Variants in CCDC7 observed in about 807,000 individuals in gnomAD.
CCDC7 encodes coiled-coil domain containing 7, also known as coiled-coil domain-containing protein 7.
CCDC7 carries 183 observed loss-of-function variants against 196.9 expected under a neutral mutation model. That is an observed-to-expected ratio of 0.93 (90% CI 0.82 to 1.05). The LOEUF is 1.05. CCDC7 is among the 50% of genes least tolerant of loss of function. The pLI is 0.00. For missense variants in CCDC7, 1,540 were observed against 1,482.2 expected (o/e 1.04, Z -0.64); for synonymous variants, 525 against 484.6 (o/e 1.08, Z -1.10).
At chr10:32,859,150 C>T (rs1296669274) in intron 41 of CCDC7, among the ~76,000 whole-genome samples, 3 of 152,090 alleles carry the variant, frequency 2.0e-5, no homozygotes, top group Non-Finnish European at 4.4e-5. Flanking sequence ...TATTCTAAAA[C>T]TGACCACTTA....
exon 18 of CCDC7, chr10:32,584,294 A>G: frequency 6.3e-7 from 1 of 1,598,164 alleles, no homozygotes; most frequent in Non-Finnish European, 8.6e-7. Context: ...AAGCAGCAGA[A>G]AAATCTCAAG....
Position 32,858,196 on chromosome 10 carries a change from C to T in CCDC7, c.4111+3707C>T, listed in dbSNP as rs1313136258. Among the ~76,000 whole-genome samples, 3 of 152,192 alleles carry T rather than the reference C, an allele frequency of 2.0e-5. No homozygotes were observed. In the East Asian group the frequency reaches 5.8e-4, roughly 29 times the overall value. On this transcript the variant is annotated intron_variant, in intron 41 of 41. Coordinates refer to ENST00000639629, the Ensembl canonical transcript of CCDC7. ...GTGGCTTCACAGCTTCACACCTTCA[C>T]ATTTGAATACTACGAAACATTCACA...
At chr10:32,503,664 C>T (rs2044421495) in intron 9 of CCDC7, among the ~76,000 whole-genome samples, 1 of 152,080 alleles carries the variant, frequency 6.6e-6, no homozygotes, top group African/African-American at 2.4e-5. Flanking sequence ...AGTATTTCTT[C>T]CTCTTCAAGA....
chr10:32,872,733 G>A (rs2094473180), intron 41 of CCDC7, among the ~76,000 whole-genome samples: 1 of 151,922 alleles, frequency 6.6e-6, no homozygotes, highest in Non-Finnish European at 1.5e-5. Flanking sequence ...GGGCAGGCCT[G>A]GTGGTGACAA....
chr10:32,642,289 G>T (rs1473442321), intron 20 of CCDC7, among the ~76,000 whole-genome samples: 1 of 152,216 alleles, frequency 6.6e-6, no homozygotes, highest in Non-Finnish European at 1.5e-5. Flanking sequence ...GAGCTGTGGT[G>T]GGCTCCACCC....
At chr10:32,611,092 C>G (rs2062076562) in intron 18 of CCDC7, among the ~76,000 whole-genome samples, 1 of 152,168 alleles carries the variant, frequency 6.6e-6, no homozygotes, top group Non-Finnish European at 1.5e-5. Context: ...TTGTTGTTTC[C>G]TGACTTTTTA....
intron 20 of CCDC7, among the ~76,000 whole-genome samples, chr10:32,654,074 T>G (rs2069296945): frequency 6.6e-6 from 1 of 152,198 alleles, no homozygotes; most frequent in Admixed American, 6.5e-5. Context: ...TTAATGTCAC[T>G]AATTTTTTTG....
intron 28 of CCDC7, among the ~76,000 whole-genome samples, chr10:32,765,199 C>T (rs1047644893): frequency 6.6e-6 from 1 of 151,940 alleles, no homozygotes; most frequent in Non-Finnish European, 1.5e-5. Context: ...AATTTTTCTC[C>T]CAGCCTTCCT....
chr10:32,693,494 C>G (rs1047294153), intron 23 of CCDC7, among the ~76,000 whole-genome samples: 15 of 152,038 alleles, frequency 9.9e-5, no homozygotes, highest in African/African-American at 3.6e-4. Context: ...TCTTTGAAAT[C>G]CCTTCAGGTC....
chr10:32,763,800 G>A lies in CCDC7; in HGVS notation c.2906-15177G>A, dbSNP rs2077833722. ...ATTCATAGAAGTGGAAGGTAAAATGGTGGTTACCTGAGGCTGAGGGAAGGG... is the reference window on the plus strand; with the variant it reads ...ATTCATAGAAGTGGAAGGTAAAATGATGGTTACCTGAGGCTGAGGGAAGGG... On this transcript the variant is annotated intron_variant, in intron 28 of 41. Transcript: ENST00000639629. 4.6e-5 allele frequency among the ~76,000 whole-genome samples: 7 copies of A among 151,954 alleles called. No homozygotes were observed. The South Asian group carries it at 1.0e-3, about 23-fold the overall frequency.
intron 13 of CCDC7, among the ~76,000 whole-genome samples, chr10:32,561,327 C>A (rs1172373245): frequency 6.6e-6 from 1 of 152,134 alleles, no homozygotes; most frequent in Non-Finnish European, 1.5e-5. Context: ...AACTCTCCAC[C>A]CCAAATCAAC....
At chr10:32,847,060 G>C (rs1433709491) in intron 37 of CCDC7, among the ~76,000 whole-genome samples, 2 of 152,154 alleles carry the variant, frequency 1.3e-5, no homozygotes, top group Non-Finnish European at 2.9e-5. Flanking sequence ...ATAAGGTAAA[G>C]AGACACATTC....
chr10:32,694,247 A>AT (rs2077421811), intron 23 of CCDC7, among the ~76,000 whole-genome samples: 1 of 152,024 alleles, frequency 6.6e-6, no homozygotes, highest in Non-Finnish European at 1.5e-5. Context: ...TGTTTTTATT[A>AT]TTTTTTCTTA....
In CCDC7 at chr10:32,864,626, T is replaced by C. The variant is rs116277641; in HGVS notation, c.4111+10137T>C. Among the ~76,000 whole-genome samples the C allele has an allele frequency of 1.5e-3, 234 of 151,690 alleles. 3 individuals are homozygous for C. The highest frequency in any genetic ancestry group is 5.4e-3 in the African/African-American group (223 of 41,450). ...TTCAAGAACTAAAATGAAAAGAAAC[T>C]GAACTCCTGTTGTACAATATATACA... On this transcript the variant is annotated intron_variant, in intron 41 of 41. Coordinates refer to ENST00000639629, the Ensembl canonical transcript of CCDC7.
At chr10:32,453,421 A>G in exon 2 of CCDC7, 1 of 1,543,036 alleles carries the variant, frequency 6.5e-7, no homozygotes, top group Non-Finnish European at 8.7e-7. Flanking sequence ...ATGAACATGA[A>G]GAATTATCTT....
chr10:32,499,606 A>AAT (rs2043553094), intron 9 of CCDC7, among the ~76,000 whole-genome samples: 9 of 141,956 alleles, frequency 6.3e-5, no homozygotes, highest in African/African-American at 2.1e-4. Flanking sequence ...TTATTTTTTT[A>AAT]TTTTTTTTTA....
chr10:32,692,793 C>T (rs1418705578), intron 23 of CCDC7, among the ~76,000 whole-genome samples: 1 of 152,168 alleles, frequency 6.6e-6, no homozygotes, highest in Non-Finnish European at 1.5e-5. Context: ...TCCCATTTTA[C>T]CCCACAGAAA....
intron 32 of CCDC7, among the ~76,000 whole-genome samples, chr10:32,827,218 C>T (rs1002515616): frequency 6.6e-6 from 1 of 152,184 alleles, no homozygotes; most frequent in African/African-American, 2.4e-5. Flanking sequence ...TACATGGGCT[C>T]AGCAATGTGG....
chr10:32,768,589 T>C (rs929315012), intron 28 of CCDC7, among the ~76,000 whole-genome samples: 1 of 152,140 alleles, frequency 6.6e-6, no homozygotes, highest in Non-Finnish European at 1.5e-5. Context: ...TGGGCATCCT[T>C]GTTCTACTTC....
Sources: gnomAD v4.1 joint callset for allele counts (sites outside exome capture counted in the v4.1 genomes callset) on GRCh38, gnomAD v4.1.1 for gene constraint, MANE v1.5 for transcripts, NCBI Gene and HGNC (gene_info 2026-07-23, HGNC 2026-07-21) for gene names.